The following PDE11A variants were observed in gnomAD, a reference collection of about 807,000 sequenced individuals.
PDE11A encodes the protein phosphodiesterase 11A.
PDE11A carries 100 observed loss-of-function variants against 100.5 expected under a neutral mutation model. The ratio of observed to expected loss-of-function variants is 1.00; its 90% CI spans 0.85 to 1.18. The LOEUF (loss-of-function observed/expected upper bound fraction) is 1.18, where lower values mean the gene tolerates loss of function less well. Among genes scored for constraint, PDE11A ranks in the 50% most tolerant of loss-of-function variants. PDE11A has a pLI of 0.00. For synonymous variants in PDE11A, 381 were observed against 420.8 expected (o/e 0.91, Z 1.16); for missense variants, 1,141 against 1,152.6 (o/e 0.99, Z 0.15).
intron 1 of PDE11A, chr2:178,104,529 C>T: frequency 6.9e-7 from 1 of 1,456,604 alleles, no homozygotes; most frequent in South Asian, 1.2e-5. Flanking sequence ...ATTAGATTTT[C>T]AAAGCCGGGG....
chr2:178,098,991 G>A (rs1001061957), intron 2 of PDE11A, among the ~76,000 whole-genome samples: 2 of 152,100 alleles, frequency 1.3e-5, no homozygotes, highest in East Asian at 3.9e-4. Flanking sequence ...TAGAATCCTG[G>A]AAAAATCATG....
chr2:177,945,552 C>G (rs1249890659), intron 2 of PDE11A, among the ~76,000 whole-genome samples: 1 of 150,712 alleles, frequency 6.6e-6, no homozygotes, highest in Non-Finnish European at 1.5e-5. Context: ...CCAGCCGCCC[C>G]GTCTGAGAAG....
At chr2:178,024,367 G>A (rs2086452519) in intron 1 of PDE11A, among the ~76,000 whole-genome samples, 1 of 152,136 alleles carries the variant, frequency 6.6e-6, no homozygotes, top group South Asian at 2.1e-4. Context: ...AGCTGAGATT[G>A]TGCCACTACT....
chr2:177,844,544 T>A, intron 5 of PDE11A, among the ~76,000 whole-genome samples: 1 of 151,878 alleles, frequency 6.6e-6, no homozygotes, highest in Middle Eastern at 3.4e-3. Flanking sequence ...AATTAATTAA[T>A]TTATTTATTT....
intron 19 of PDE11A, among the ~76,000 whole-genome samples, chr2:177,632,226 C>A (rs1322054651): frequency 6.6e-6 from 1 of 152,140 alleles, no homozygotes; most frequent in Non-Finnish European, 1.5e-5. Context: ...AATTGTATGG[C>A]TTCAACCTTT....
At chr2:177,882,816 T>C (rs2105706415) in intron 4 of PDE11A, among the ~76,000 whole-genome samples, 2 of 152,300 alleles carry the variant, frequency 1.3e-5, no homozygotes, top group Middle Eastern at 3.4e-3. Flanking sequence ...CTTCTCTCTG[T>C]TCTTTTAACT....
At chr2:177,926,404 T>G (rs552647017) in intron 2 of PDE11A, among the ~76,000 whole-genome samples, 21 of 152,298 alleles carry the variant, frequency 1.4e-4, no homozygotes, top group African/African-American at 4.8e-4. Flanking sequence ...CAGAAACAAA[T>G]TCTATGTCTA....
chr2:177,773,749 T>C (rs73032034), intron 9 of PDE11A, among the ~76,000 whole-genome samples: 35,633 of 152,068 alleles, frequency 0.23, 4,460 homozygotes, highest in African/African-American at 0.3. Context: ...CAACTACCTT[T>C]TCCCAGAAGA....
intron 9 of PDE11A, among the ~76,000 whole-genome samples, chr2:177,779,099 C>T (rs920642047): frequency 3.3e-5 from 5 of 152,130 alleles, no homozygotes; most frequent in South Asian, 2.1e-4. Flanking sequence ...GAGTTACATA[C>T]GTTTTTTGGT....
chr2:177,682,307 TTA>T (rs1313783615), intron 15 of PDE11A, among the ~76,000 whole-genome samples: 1 of 152,234 alleles, frequency 6.6e-6, no homozygotes, highest in Non-Finnish European at 1.5e-5. Context: ...GATTGATGTC[TTA>T]TGTCTCCCTA....
intron 5 of PDE11A, among the ~76,000 whole-genome samples, chr2:177,872,350 G>A (rs1388112449): frequency 6.6e-6 from 1 of 152,188 alleles, no homozygotes; most frequent in South Asian, 2.1e-4. Flanking sequence ...CACTAGAGGT[G>A]TTGCCAGTGA....
Position 178,072,061 on chromosome 2 carries a change from G to A in PDE11A, c.377C>T (p.Ala126Val). Residue 126 changes from alanine to valine, a missense_variant, in exon 1 of 20, where the codon GCC becomes GTC. Transcript: ENST00000286063. ...GTTCACGTGGATGGCCTTGGAGCGG[G>A]CAAAACTCTTCCTTAGCTCTTTCTG... The part of the protein sequence containing the change: ...ASQKELRKSF[A>V]RSKAIHVNRT... The A allele has an allele frequency of 5.0e-6, 8 of 1,613,876 alleles. No homozygotes were observed. Among genetic ancestry groups the A allele is most frequent in the Non-Finnish European group, 6.8e-6 (8 of 1,179,768 alleles).
At chr2:177,745,778 G>A (rs2081938990) in intron 10 of PDE11A, among the ~76,000 whole-genome samples, 1 of 152,218 alleles carries the variant, frequency 6.6e-6, no homozygotes, top group South Asian at 2.1e-4. Flanking sequence ...TGTTTTCCCA[G>A]CCCTCTTGTA....
At chr2:177,818,996 A>G (rs768315591) in intron 7 of PDE11A, among the ~76,000 whole-genome samples, 24 of 152,066 alleles carry the variant, frequency 1.6e-4, no homozygotes, top group Non-Finnish European at 2.9e-4. Context: ...TTAGCATGTA[A>G]CCAGGCAAAC....
intron 10 of PDE11A, among the ~76,000 whole-genome samples, chr2:177,729,838 C>T (rs2081654722): frequency 6.6e-6 from 1 of 150,870 alleles, no homozygotes; most frequent in African/African-American, 2.4e-5. Context: ...ACTTTGTAAG[C>T]CCTTTTCTTT....
chr2:177,765,772 C>T (rs1031539275), intron 10 of PDE11A, among the ~76,000 whole-genome samples: 2 of 152,192 alleles, frequency 1.3e-5, no homozygotes, highest in Admixed American at 1.3e-4. Context: ...AACTTGGAAT[C>T]ATCTAGACAC....
At chr2:177,835,307 T>C (rs1345301926) in intron 6 of PDE11A, among the ~76,000 whole-genome samples, 2 of 152,190 alleles carry the variant, frequency 1.3e-5, no homozygotes, top group African/African-American at 2.4e-5. Context: ...TGTACCTCTC[T>C]CAAATGCATC....
intron 2 of PDE11A, among the ~76,000 whole-genome samples, chr2:177,933,440 G>A (rs1308628491): frequency 6.6e-6 from 1 of 152,146 alleles, no homozygotes; most frequent in Non-Finnish European, 1.5e-5. Flanking sequence ...CAGCACTTTG[G>A]GAGGCCGAGG....
At chr2:177,740,500 A>C (rs1373113100) in intron 10 of PDE11A, among the ~76,000 whole-genome samples, 1 of 152,220 alleles carries the variant, frequency 6.6e-6, no homozygotes, top group Admixed American at 6.5e-5. Context: ...TTCTATTACT[A>C]GTCCCAGTTT....
Sources: gnomAD v4.1 joint callset for allele counts (sites outside exome capture counted in the v4.1 genomes callset) on GRCh38, gnomAD v4.1.1 for gene constraint, MANE v1.5 for transcripts, NCBI Gene and HGNC (gene_info 2026-07-23, HGNC 2026-07-21) for gene names.